MID1: variants seen among roughly 807,000 people sequenced by gnomAD.
MID1 encodes the protein midline 1.
Under a neutral mutation model 40.4 loss-of-function variants are expected in MID1, and 7 were observed. The observed-to-expected ratio is 0.17, with a 90% CI of 0.10 to 0.33. The LOEUF (loss-of-function observed/expected upper bound fraction) is 0.33. MID1 is among the 10% of genes least tolerant of loss of function. The probability of loss-of-function intolerance (pLI) is 1.00; values close to 1 mark genes in which losing one functional copy is unlikely to be tolerated. For missense variants in MID1, 367 were observed against 558.5 expected (o/e 0.66, Z 3.46); for synonymous variants, 229 against 221.2 (o/e 1.04, Z -0.31).
chrX:10,451,389 C>A (rs140330482), intron 9 of MID1, among the ~76,000 whole-genome samples: 1,158 of 111,583 alleles, frequency 0.01, 14 homozygotes, highest in African/African-American at 0.036. Flanking sequence ...AGTACACCTG[C>A]CTTGTGCTGT....
chrX:10,691,561 TCTTTA>T (rs756242674), intron 1 of MID1, among the ~76,000 whole-genome samples: 1 of 112,641 alleles, frequency 8.9e-6, no homozygotes, highest in South Asian at 3.7e-4. Context: ...CTTAAGCCTG[TCTTTA>T]CTTTAATCTC....
intron 2 of MID1, among the ~76,000 whole-genome samples, chrX:10,537,183 C>T (rs889749396): frequency 2.7e-5 from 3 of 109,736 alleles, no homozygotes; most frequent in Non-Finnish European, 5.7e-5. Context: ...TTATAAACGT[C>T]GTTCTTAAAA....
At chrX:10,567,934 T>C (rs1934618013) in intron 1 of MID1, among the ~76,000 whole-genome samples, 1 of 112,161 alleles carries the variant, frequency 8.9e-6, no homozygotes, top group Non-Finnish European at 1.9e-5. Flanking sequence ...AATAATCTTA[T>C]TGTGTCAGAG....
At chrX:10,536,897 C>T (rs1240925289) in intron 2 of MID1, among the ~76,000 whole-genome samples, 1 of 111,711 alleles carries the variant, frequency 9.0e-6, no homozygotes, top group Non-Finnish European at 1.9e-5. Context: ...GGGCCTTTCC[C>T]GAGTTCCTTC....
intron 3 of MID1, among the ~76,000 whole-genome samples, chrX:10,516,560 T>TG (rs1932427244): frequency 9.5e-5 from 7 of 73,360 alleles, no homozygotes; most frequent in South Asian, 9.2e-4. Context: ...TACTCTGCTC[T>TG]TGTGTGTGTG....
At chrX:10,729,157 C>A (rs1242038492) in intron 1 of MID1, among the ~76,000 whole-genome samples, 1 of 112,030 alleles carries the variant, frequency 8.9e-6, no homozygotes, top group Non-Finnish European at 1.9e-5. Flanking sequence ...CCTTTCCTGA[C>A]TGCTCTCCTG....
intron 1 of MID1, among the ~76,000 whole-genome samples, chrX:10,643,977 G>C (rs1936234142): frequency 9.1e-6 from 1 of 110,144 alleles, no homozygotes; most frequent in Non-Finnish European, 1.9e-5. Flanking sequence ...GACACAGGGT[G>C]GGGAACATCA....
intron 1 of MID1, among the ~76,000 whole-genome samples, chrX:10,800,868 T>G (rs1378177101): frequency 1.8e-5 from 2 of 110,693 alleles, no homozygotes; most frequent in Non-Finnish European, 3.8e-5. Context: ...GTGACAGGAG[T>G]TTTAGAAATA....
intron 1 of MID1, among the ~76,000 whole-genome samples, chrX:10,686,271 T>C (rs2043097089): frequency 9.0e-6 from 1 of 111,079 alleles, no homozygotes; most frequent in African/African-American, 3.3e-5. Context: ...GGCAGGGGGC[T>C]GTGTCTAAGG....
At position 10,481,128 on chromosome X, in the gene MID1, C is replaced by T. The variant is rs190536721; in HGVS notation, c.1013+1352G>A. 1.8e-4 allele frequency among the ~76,000 whole-genome samples: 20 copies of T among 111,868 alleles called. No individual in the cohort carries two copies. In the East Asian group the frequency reaches 5.4e-3, roughly 30 times the overall value. Reference sequence around the variant, plus strand: ...CATTTGTTTCTATATTATCTATGGCCGCTTTAGAGCTAGCTACAATGGCAG... The same window carrying T: ...CATTTGTTTCTATATTATCTATGGCTGCTTTAGAGCTAGCTACAATGGCAG... On this transcript the variant is annotated intron_variant, in intron 5 of 9. Transcript: ENST00000317552.
chrX:10,554,019 C>A (rs1469060316), intron 2 of MID1, among the ~76,000 whole-genome samples: 1 of 111,635 alleles, frequency 9.0e-6, no homozygotes, highest in East Asian at 2.8e-4. Flanking sequence ...TGGGTCTGAG[C>A]TCCAAAACGT....
At chrX:10,460,461 T>C (rs1928958979) in intron 7 of MID1, among the ~76,000 whole-genome samples, 1 of 111,603 alleles carries the variant, frequency 9.0e-6, no homozygotes, top group Non-Finnish European at 1.9e-5. Context: ...TTTATGATGC[T>C]TGGAAGAATA....
intron 1 of MID1, among the ~76,000 whole-genome samples, chrX:10,736,933 A>G (rs1482441597): frequency 1.8e-5 from 2 of 111,672 alleles, no homozygotes; most frequent in Non-Finnish European, 3.8e-5. Context: ...GCTTTTGAGG[A>G]TTTGTATGTG....
intron 1 of MID1, among the ~76,000 whole-genome samples, chrX:10,783,210 A>G (rs2043858135): frequency 9.0e-6 from 1 of 111,456 alleles, no homozygotes; most frequent in African/African-American, 3.3e-5. Flanking sequence ...TCTTAAATAG[A>G]CAGCCACAGT....
chrX:10,732,845 TTTC>T (rs1195297846), intron 1 of MID1, among the ~76,000 whole-genome samples: 1 of 99,554 alleles, frequency 1.0e-5, no homozygotes. Flanking sequence ...GTAAGTTGAT[TTTC>T]TTCTTCTTCT....
At chrX:10,739,019 T>C (rs1273942778) in intron 1 of MID1, among the ~76,000 whole-genome samples, 1 of 111,018 alleles carries the variant, frequency 9.0e-6, no homozygotes, top group East Asian at 2.8e-4. Context: ...CCAAGGTTTA[T>C]TTTGTTTTAT....
intron 1 of MID1, among the ~76,000 whole-genome samples, chrX:10,591,248 T>C (rs1310791232): frequency 2.7e-5 from 3 of 112,393 alleles, no homozygotes; most frequent in African/African-American, 9.7e-5. Context: ...CATTTCATTT[T>C]TGAAAAAACA....
chrX:10,465,212 T>TACACACACAC (rs1291317865), intron 7 of MID1, among the ~76,000 whole-genome samples: 19 of 56,022 alleles, frequency 3.4e-4, no homozygotes, highest in African/African-American at 1.8e-3. Flanking sequence ...TATATATATA[T>TACACACACAC]ATACACACAC....
At chrX:10,704,598 A>G (rs1006371507) in intron 1 of MID1, among the ~76,000 whole-genome samples, 9 of 108,062 alleles carry the variant, frequency 8.3e-5, no homozygotes, top group African/African-American at 2.7e-4. Flanking sequence ...GTTACAACAG[A>G]ATCCAAATGT....
Sources: gnomAD v4.1 joint callset for allele counts (sites outside exome capture counted in the v4.1 genomes callset) on GRCh38, gnomAD v4.1.1 for gene constraint, MANE v1.5 for transcripts, NCBI Gene and HGNC (gene_info 2026-07-23, HGNC 2026-07-21) for gene names.